The following SOX30 variants were observed in gnomAD, a reference collection of about 807,000 sequenced individuals.
The protein encoded by SOX30 is transcription factor SOX-30.
In SOX30, 17 loss-of-function variants were observed where a neutral mutation model predicts 58.6. That is an observed-to-expected ratio of 0.29 (90% confidence interval 0.20 to 0.44). The LOEUF (loss-of-function observed/expected upper bound fraction) is 0.44. Ranked by LOEUF, SOX30 falls within the 20% of genes least tolerant of loss-of-function variation. SOX30 has a pLI of 1.00. For synonymous variants in SOX30, 421 were observed against 400.2 expected (o/e 1.05, Z -0.62); for missense variants, 951 against 965.8 (o/e 0.98, Z 0.20).
intron 2 of SOX30, among the ~76,000 whole-genome samples, chr5:157,647,753 G>T (rs944097259): frequency 6.6e-6 from 1 of 151,514 alleles, no homozygotes. Context: ...TAGAGATGGG[G>T]TTTCACTGTG....
rs576233899 is a variant in SOX30 at position 157,652,142 on chromosome 5, C to T, written c.-64G>A. On this transcript the variant is annotated 5_prime_UTR_variant, in exon 1 of 5. Transcript: ENST00000265007. ...CCGTTTGTTGGCGACCTTCCCCCTCCCCCTTTCGGTTAAGAGCCTTGCAAG... is the reference window on the plus strand; with the variant it reads ...CCGTTTGTTGGCGACCTTCCCCCTCTCCCTTTCGGTTAAGAGCCTTGCAAG... 32 of 1,381,414 alleles carry T rather than the reference C, an allele frequency of 2.3e-5. No individual in the cohort carries two copies. Among genetic ancestry groups the T allele is most frequent in the Non-Finnish European group, 2.9e-5 (31 of 1,076,236 alleles). 85.6% of individuals were successfully genotyped at this position (1,381,414 alleles called of 1,614,324 possible). A position where few individuals can be genotyped will look rare whatever the true frequency, so the allele number is the denominator to read the frequency against.
At chr5:157,662,979 C>G (rs1759603448) in intron 2 of SOX30, among the ~76,000 whole-genome samples, 1 of 152,038 alleles carries the variant, frequency 6.6e-6, no homozygotes, top group Non-Finnish European at 1.5e-5. Flanking sequence ...AGCCTACCAA[C>G]CAAGTAGGAC....
rs1302956135 is a variant in SOX30, at chr5:157,651,560, C to A, written c.519G>T (p.Pro173=). ...CGTCCCCTCGGAAGTAGCCGAGGGC[C>A]GGCCCGGGGCCTTCCAACTTGACCA... is the stretch of plus-strand genomic sequence containing the variant. ...SRVVKLEGPG[P]ALGYFRGDEK... Residue 173 remains proline, a synonymous_variant, in exon 1 of 5, where the codon CCG becomes CCT. Transcript: ENST00000265007. 1 of 1,613,202 alleles carries A rather than the reference C, an allele frequency of 6.2e-7. No homozygotes were observed. The highest frequency in any genetic ancestry group is 1.3e-5 in the African/African-American group (1 of 74,948).
intron 1 of SOX30, among the ~76,000 whole-genome samples, chr5:157,650,418 A>G (rs1177409809): frequency 6.6e-6 from 1 of 152,198 alleles, no homozygotes; most frequent in Admixed American, 6.5e-5. Flanking sequence ...TTCTGTGTGA[A>G]CTAAATCTTA....
Position 157,638,721 on chromosome 5 carries a change from A to G in SOX30, c.1389T>C (p.Gly463=). 1.3e-6 allele frequency: 2 copies of G among 1,584,108 alleles called. No homozygotes were observed. The highest frequency in any genetic ancestry group is 1.7e-6 in the Non-Finnish European group (2 of 1,166,322). Residue 463 remains glycine, a splice_region_variant and synonymous_variant, in exon 4 of 5, where the codon GGT becomes GGC. Transcript: ENST00000265007. ...SLQNPITHPV[G]ETSPAIQLPT... ...GCAGCTGGATAGCAGGTGAGGTTTC[A>G]CCTTTAGAAATAAAAATAGCATAAA...
intron 4 of SOX30, among the ~76,000 whole-genome samples, chr5:157,631,554 AG>A (rs1190889412): frequency 6.6e-6 from 1 of 152,038 alleles, no homozygotes; most frequent in Non-Finnish European, 1.5e-5. Flanking sequence ...TGAGGTCAGG[AG>A]TTTGAGACCA....
chr5:157,651,891 A>G lies in SOX30; in HGVS notation c.188T>C (p.Leu63Ser). 6.5e-7 allele frequency: 1 copy of G among 1,540,644 alleles called. No individual in the cohort carries two copies. The highest frequency in any genetic ancestry group is 8.7e-7 in the Non-Finnish European group (1 of 1,148,182). ...CAGCAGCCGCCGCACCGCGGGCTGT[A>G]AGCCGGACGCCACTGCCTCCCCGCA... ...SSCGEAVASG[L>S]QPAVRRLLQV... Residue 63 changes from leucine to serine, a missense_variant, in exon 1 of 5, where the codon TTA (leucine) becomes TCA (serine). Around this residue, in one of 7 missense-constraint regions of SOX30, gnomAD observed 363 missense variants for 294.5 expected, o/e 1.23. Transcript: ENST00000265007.
chr5:157,655,582 T>A (rs997102281), upstream of SOX30, among the ~76,000 whole-genome samples: 4 of 152,160 alleles, frequency 2.6e-5, no homozygotes, highest in African/African-American at 9.7e-5. Flanking sequence ...AGCTTTTTCC[T>A]CCCGTAAAGG....
At chr5:157,668,889 T>C (rs1345523053) in intron 1 of SOX30, among the ~76,000 whole-genome samples, 2 of 151,920 alleles carry the variant, frequency 1.3e-5, no homozygotes, top group Admixed American at 6.6e-5. Flanking sequence ...GGTAAGGAAT[T>C]AGTGGTAGAT....
chr5:157,652,318 G>C lies in SOX30; in HGVS notation c.-240C>G. 1 of 1,224,504 alleles carries C rather than the reference G, an allele frequency of 8.2e-7. No individual in the cohort carries two copies. The highest frequency in any genetic ancestry group is 1.0e-6 in the Non-Finnish European group (1 of 984,288). The allele number at this position is 1,224,504 out of a possible 1,614,324, so 75.9% of individuals were successfully genotyped here. A position where few individuals can be genotyped will look rare whatever the true frequency, so the allele number is the denominator to read the frequency against. On this transcript the variant is annotated 5_prime_UTR_variant, in exon 1 of 5. Transcript: ENST00000265007. ...TACTCTCGCCTCGTGCTGAGTCCTC[G>C]AATCACCTGCCATGGTAGGAGCCGC...
chr5:157,630,901 TA>T lies in SOX30; in HGVS notation c.1881-4181del, dbSNP rs1031849663. On this transcript the variant is annotated intron_variant, in intron 4 of 4. Transcript: ENST00000265007. Reference sequence around the variant, plus strand: ...TACAATATATATAATTTTATATATATAAAAAATATATAATATCTATATTATA... The same window carrying T: ...TACAATATATATAATTTTATATATATAAAAATATATAATATCTATATTATA... 3.6e-3 allele frequency among the ~76,000 whole-genome samples: 497 copies of T among 137,074 alleles called. 1 individual carries two copies. The highest frequency in any genetic ancestry group is 6.6e-3 in the Admixed American group (81 of 12,362). The allele number at this position is 137,074 out of a possible 152,430, so 89.9% of individuals were successfully genotyped here. A position where few individuals can be genotyped will look rare whatever the true frequency, so the allele number is the denominator to read the frequency against.
chr5:157,645,786 C>T (rs1454316416), intron 3 of SOX30, among the ~76,000 whole-genome samples: 1 of 151,968 alleles, frequency 6.6e-6, no homozygotes, highest in African/African-American at 2.4e-5. Context: ...TTTGGGAGGC[C>T]GGGGCGGGCA....
chr5:157,665,037 T>G (rs1759645223), intron 2 of SOX30, among the ~76,000 whole-genome samples: 1 of 152,336 alleles, frequency 6.6e-6, no homozygotes, highest in South Asian at 2.1e-4. Flanking sequence ...GAAGACAGTG[T>G]GACAATTCCT....
Position 157,651,900 on chromosome 5 carries a change from G to A in SOX30, c.179C>T (p.Ala60Val), listed in dbSNP as rs1413338228. 4.6e-6 allele frequency: 7 copies of A among 1,529,430 alleles called. No individual in the cohort carries two copies. The highest frequency in any genetic ancestry group is 6.1e-6 in the Non-Finnish European group (7 of 1,142,994). The allele number at this position is 1,529,430 out of a possible 1,614,324, so 94.7% of individuals were successfully genotyped here. A position where few individuals can be genotyped will look rare whatever the true frequency, so the allele number is the denominator to read the frequency against. ...TLASSCGEAVASGLQPAVRRL... is the reference protein window; with the variant it reads ...TLASSCGEAVVSGLQPAVRRL... ...CCGCACCGCGGGCTGTAAGCCGGAC[G>A]CCACTGCCTCCCCGCACGACGAGGC... Residue 60 changes from alanine to valine, a missense_variant, in exon 1 of 5, where the codon GCG becomes GTG. Ala to Val is a moderately conservative substitution (Grantham distance 64). This residue lies in a region of SOX30 where 363 missense variants were observed against 294.5 expected (regional missense o/e 1.23). Transcript: ENST00000265007.
intron 2 of SOX30, among the ~76,000 whole-genome samples, chr5:157,662,835 C>A (rs1037826120): frequency 6.6e-6 from 1 of 152,182 alleles, no homozygotes; most frequent in African/African-American, 2.4e-5. Context: ...TCTTCACAAC[C>A]CTTTATCATA....
intron 4 of SOX30, among the ~76,000 whole-genome samples, chr5:157,637,642 G>T (rs1238841445): frequency 1.3e-5 from 2 of 151,886 alleles, no homozygotes; most frequent in Non-Finnish European, 2.9e-5. Flanking sequence ...TTGACTAAAT[G>T]ATCTTAAGGT....
intron 3 of SOX30, among the ~76,000 whole-genome samples, chr5:157,641,008 T>C (rs1759047805): frequency 6.6e-6 from 1 of 152,190 alleles, no homozygotes; most frequent in Non-Finnish European, 1.5e-5. Context: ...TAACAACCCC[T>C]GTCTAGGAAA....
intron 3 of SOX30, among the ~76,000 whole-genome samples, chr5:157,642,330 A>G (rs1759085306): frequency 6.7e-6 from 1 of 149,216 alleles, no homozygotes; most frequent in Non-Finnish European, 1.5e-5. Context: ...AAAAAAAAAA[A>G]GAAGAAGCTT....
chr5:157,648,516 T>C, intron 2 of SOX30, 141 bp downstream of exon 2: 1 of 742,082 alleles, frequency 1.3e-6, no homozygotes, highest in Non-Finnish European at 2.1e-6. Context: ...TCAATCATTG[T>C]TATAATATTA....
Sources: allele counts gnomAD v4.1 joint callset (sites outside exome capture counted in the v4.1 genomes callset), GRCh38; gene constraint gnomAD v4.1.1; regional missense constraint gnomAD v4.1.1; transcripts MANE v1.5; gene names NCBI Gene and HGNC (gene_info 2026-07-23, HGNC 2026-07-21).